SNAP25: variants seen among roughly 807,000 people sequenced by gnomAD.
The protein encoded by SNAP25 is synaptosome associated protein 25.
A neutral mutation model predicts 28.7 loss-of-function variants in SNAP25; 3 were observed. The ratio of observed to expected loss-of-function variants is 0.10; its 90% CI spans 0.05 to 0.27. The LOEUF (loss-of-function observed/expected upper bound fraction) is 0.27. Ranked by LOEUF, SNAP25 falls within the 10% of genes least tolerant of loss-of-function variation. The pLI, the probability that SNAP25 is intolerant of heterozygous loss-of-function variation, is 1.00. For missense variants in SNAP25, 117 were observed against 278.7 expected (o/e 0.42, Z 4.13); for synonymous variants, 61 against 88.1 (o/e 0.69, Z 1.72).
At position 10,278,512 on chromosome 20, in the gene SNAP25, T is replaced by A. The variant is rs187571953; in HGVS notation, c.114+786T>A. ...TGGGAGAGATGAAGTGGAAAAAGAA[T>A]GGGTTGGACTATACTTATCTTAACC... On this transcript the variant is annotated intron_variant, in intron 3 of 7. Transcript: ENST00000254976. Among the ~76,000 whole-genome samples, 10 of 152,274 alleles carry A rather than the reference T, an allele frequency of 6.6e-5. No homozygotes were observed. The East Asian group carries it at 1.9e-3, about 29-fold the overall frequency.
At chr20:10,296,545 GTGTC>G in intron 5 of SNAP25, 1 of 217,530 alleles carries the variant, frequency 4.6e-6, no homozygotes, top group Non-Finnish European at 9.2e-6. Context: ...GTCTTGTTTT[GTGTC>G]TGTCTGCCAG....
At chr20:10,224,257 CTTTTTTTTTTTTTTTT>C (rs71332917) in intron 1 of SNAP25, among the ~76,000 whole-genome samples, 12 of 17,434 alleles carry the variant, frequency 6.9e-4, no homozygotes, top group Middle Eastern at 0.056. Flanking sequence ...ATGTACATGT[CTTTTTTTTTTTTTTTT>C]TTTTTTTTTT....
intron 1 of SNAP25, among the ~76,000 whole-genome samples, chr20:10,228,830 A>T (rs1369538734): frequency 1.3e-5 from 2 of 152,142 alleles, no homozygotes; most frequent in Non-Finnish European, 2.9e-5. Flanking sequence ...TATAGGTTAC[A>T]TGAAGGCCAT....
At chr20:10,273,373 C>CAT (rs2063632163) in intron 1 of SNAP25, among the ~76,000 whole-genome samples, 2 of 152,170 alleles carry the variant, frequency 1.3e-5, no homozygotes, top group Non-Finnish European at 2.9e-5. Context: ...CAGACATTTA[C>CAT]TAGTTAGTGT....
intron 1 of SNAP25, among the ~76,000 whole-genome samples, chr20:10,233,438 T>A: frequency 6.6e-6 from 1 of 152,206 alleles, no homozygotes; most frequent in Non-Finnish European, 1.5e-5. Context: ...TGTCACAAAT[T>A]TTCTTGGACA....
chr20:10,298,978 T>C (rs1198854427), intron 6 of SNAP25, among the ~76,000 whole-genome samples: 1 of 152,026 alleles, frequency 6.6e-6, no homozygotes, highest in Non-Finnish European at 1.5e-5. Context: ...ACAATAAAAA[T>C]TGAAATAAAC....
intron 3 of SNAP25, 190 bp downstream of exon 3, chr20:10,277,916 C>T (rs529182429): frequency 1.1e-5 from 6 of 547,694 alleles, no homozygotes; most frequent in East Asian, 9.2e-5. Context: ...CACCTTCACC[C>T]TCCTTCCCAG....
chr20:10,226,775 T>C (rs1481949888), intron 1 of SNAP25, among the ~76,000 whole-genome samples: 1 of 152,128 alleles, frequency 6.6e-6, no homozygotes, highest in Non-Finnish European at 1.5e-5. Flanking sequence ...TCAGTAAATA[T>C]CTAAGGTATG....
At chr20:10,249,068 C>G (rs761578453) in intron 1 of SNAP25, among the ~76,000 whole-genome samples, 2 of 152,178 alleles carry the variant, frequency 1.3e-5, no homozygotes, top group Non-Finnish European at 2.9e-5. Context: ...ATCCATTTTC[C>G]AGTTTACTCT....
At chr20:10,304,527 GA>G (rs1431957134) in intron 7 of SNAP25, among the ~76,000 whole-genome samples, 1 of 152,112 alleles carries the variant, frequency 6.6e-6, no homozygotes, top group East Asian at 1.9e-4. Context: ...ATGTTATTAA[GA>G]AAATCATAAG....
chr20:10,243,503 C>T (rs1449284603), intron 1 of SNAP25, among the ~76,000 whole-genome samples: 5 of 152,104 alleles, frequency 3.3e-5, no homozygotes, highest in Non-Finnish European at 7.4e-5. Context: ...TGTGACAGTT[C>T]CTCAGTCTTT....
chr20:10,223,609 T>G (rs570600723), intron 1 of SNAP25, among the ~76,000 whole-genome samples: 14 of 151,450 alleles, frequency 9.2e-5, no homozygotes, highest in Middle Eastern at 6.8e-3. Context: ...TCAAGTAAGG[T>G]GAAGGAAGGA....
intron 1 of SNAP25, among the ~76,000 whole-genome samples, chr20:10,262,586 A>T (rs575329026): frequency 3.2e-3 from 175 of 53,936 alleles, no homozygotes; most frequent in African/African-American, 0.011. Context: ...CATACGTGAT[A>T]AAAAAAAAAT....
At chr20:10,287,553 T>G (rs1317168337) in intron 4 of SNAP25, among the ~76,000 whole-genome samples, 1 of 134,112 alleles carries the variant, frequency 7.5e-6, no homozygotes, top group Non-Finnish European at 1.6e-5. Flanking sequence ...ACTTTTACAC[T>G]GTTGGTAGGA....
In SNAP25 at chr20:10,298,164, T is replaced by A. The variant is rs550723575; in HGVS notation, c.408-1104T>A. Among the ~76,000 whole-genome samples the A allele has an allele frequency of 1.2e-4, 18 of 152,146 alleles. 1 individual carries two copies. The highest frequency in any genetic ancestry group is 4.1e-4 in the African/African-American group (17 of 41,502). On this transcript the variant is annotated intron_variant, in intron 6 of 7. Coordinates refer to ENST00000254976, the MANE Select transcript of SNAP25 (RefSeq NM_130811.4). ...CCAATCCACACCAATTGAACCAGAA[T>A]CTCTTGAAGTGAGACACAAGCACCT...
intron 4 of SNAP25, among the ~76,000 whole-genome samples, chr20:10,288,752 G>A (rs766678339): frequency 5.9e-5 from 9 of 151,944 alleles, no homozygotes; most frequent in Non-Finnish European, 1.0e-4. Context: ...TAAAACCCCC[G>A]AAAGTAGGTG....
intron 1 of SNAP25, among the ~76,000 whole-genome samples, chr20:10,272,384 C>G (rs2063610858): frequency 6.6e-6 from 1 of 152,190 alleles, no homozygotes; most frequent in South Asian, 2.1e-4. Flanking sequence ...CTGGGTCTTT[C>G]TGACATCAAT....
chr20:10,292,963 G>A, intron 4 of SNAP25, 198 bp from the exon 5 acceptor site: 1 of 1,613,592 alleles, frequency 6.2e-7, no homozygotes, highest in Non-Finnish European at 8.5e-7. Context: ...AAAGATTTAG[G>A]GAAATGCTGT....
chr20:10,253,826 TC>T (rs1186668804), intron 1 of SNAP25, among the ~76,000 whole-genome samples: 1 of 152,146 alleles, frequency 6.6e-6, no homozygotes, highest in Non-Finnish European at 1.5e-5. Context: ...GATCTACATG[TC>T]ACACACACCC....
Sources: gnomAD v4.1 joint callset for allele counts (sites outside exome capture counted in the v4.1 genomes callset) on GRCh38, gnomAD v4.1.1 for gene constraint, MANE v1.5 for transcripts, NCBI Gene and HGNC (gene_info 2026-07-23, HGNC 2026-07-21) for gene names.